RPS6KC1: variants seen among roughly 807,000 people sequenced by gnomAD.
The protein encoded by RPS6KC1 is inactive ribosomal protein S6 kinase delta-1.
Under a neutral mutation model 103.8 loss-of-function variants are expected in RPS6KC1, and 54 were observed. The ratio of observed to expected loss-of-function variants is 0.52; its 90% CI spans 0.42 to 0.65. RPS6KC1 has a LOEUF of 0.65. Ranked by LOEUF, RPS6KC1 falls within the 30% of genes least tolerant of loss-of-function variation. RPS6KC1 has a pLI of 0.00. For missense variants in RPS6KC1, 1,151 were observed against 1,253.8 expected, an observed-to-expected ratio of 0.92 and a Z score of 1.24; for synonymous variants, 439 against 438.7, an observed-to-expected ratio of 1.00 and a Z score of -0.01.
At chr1:213,566,589 T>C in the RPS6KC1 span, among the ~76,000 whole-genome samples, 1 of 151,434 alleles carries the variant, frequency 6.6e-6, no homozygotes, top group Non-Finnish European at 1.5e-5. Context: ...TCACATTTCT[T>C]TGCCTCTCTG....
At chr1:213,783,207 A>G in the RPS6KC1 span, among the ~76,000 whole-genome samples, 1 of 152,198 alleles carries the variant, frequency 6.6e-6, no homozygotes, top group African/African-American at 2.4e-5. Flanking sequence ...GAATTGCTCT[A>G]CAAGCAACCT....
At chr1:213,433,397 T>C in the RPS6KC1 span, among the ~76,000 whole-genome samples, 1 of 152,222 alleles carries the variant, frequency 6.6e-6, no homozygotes, top group African/African-American at 2.4e-5. Context: ...AGGTAAAATA[T>C]TCACAGCTTC....
At chr1:213,770,072 C>T in the RPS6KC1 span, among the ~76,000 whole-genome samples, 14 of 152,180 alleles carry the variant, frequency 9.2e-5, no homozygotes, top group Non-Finnish European at 1.8e-4. Context: ...ACAACCAGAG[C>T]ATCTCTGTTC....
the RPS6KC1 span, among the ~76,000 whole-genome samples, chr1:213,802,348 T>G: frequency 3.9e-5 from 6 of 152,218 alleles, no homozygotes; most frequent in Non-Finnish European, 7.3e-5. Context: ...AGAAAAACAG[T>G]GCTAAGAAAT....
At chr1:213,162,012 CATAATTT>C (rs2090520832) in intron 6 of RPS6KC1, among the ~76,000 whole-genome samples, 1 of 152,124 alleles carries the variant, frequency 6.6e-6, no homozygotes, top group Middle Eastern at 3.2e-3. Flanking sequence ...ATTAAAAACT[CATAATTT>C]ATGTGGAGTT....
At chr1:213,531,128 G>A in the RPS6KC1 span, among the ~76,000 whole-genome samples, 1 of 152,176 alleles carries the variant, frequency 6.6e-6, no homozygotes, top group Non-Finnish European at 1.5e-5. Flanking sequence ...CATTGACATG[G>A]TAATGCAGAG....
intron 12 of RPS6KC1, among the ~76,000 whole-genome samples, chr1:213,260,140 C>A (rs1455839626): frequency 1.3e-5 from 2 of 152,214 alleles, no homozygotes; most frequent in Non-Finnish European, 2.9e-5. Flanking sequence ...TTCAAACAAG[C>A]AACTATTTTA....
chr1:213,436,394 T>G, the RPS6KC1 span, among the ~76,000 whole-genome samples: 1 of 152,376 alleles, frequency 6.6e-6, no homozygotes, highest in South Asian at 2.1e-4. Context: ...TTATTTATTT[T>G]ACAAAAAGTA....
the RPS6KC1 span, among the ~76,000 whole-genome samples, chr1:213,598,461 T>G: frequency 6.6e-6 from 1 of 152,150 alleles, no homozygotes; most frequent in Non-Finnish European, 1.5e-5. Context: ...ACTTCCTCTC[T>G]TTGGGGCCTC....
intron 5 of RPS6KC1, among the ~76,000 whole-genome samples, chr1:213,117,630 G>A (rs1173349592): frequency 6.6e-6 from 1 of 151,160 alleles, no homozygotes; most frequent in African/African-American, 2.4e-5. Context: ...TTTTCATAGT[G>A]GTATATAAAA....
At chr1:213,511,375 T>G in the RPS6KC1 span, among the ~76,000 whole-genome samples, 12 of 152,104 alleles carry the variant, frequency 7.9e-5, no homozygotes, top group Admixed American at 7.9e-4. Flanking sequence ...CCAGCAGCAT[T>G]GTGGAGCAGC....
the RPS6KC1 span, among the ~76,000 whole-genome samples, chr1:213,717,670 G>A: frequency 1.3e-5 from 2 of 152,198 alleles, no homozygotes. Flanking sequence ...CATCAAATAT[G>A]CTACTTGAAG....
intron 3 of RPS6KC1, among the ~76,000 whole-genome samples, chr1:213,092,350 A>G (rs940990636): frequency 2.6e-5 from 4 of 152,210 alleles, no homozygotes; most frequent in Non-Finnish European, 4.4e-5. Flanking sequence ...AATTTAGCCA[A>G]GTAATAGGAT....
At chr1:213,843,035 A>T in the RPS6KC1 span, among the ~76,000 whole-genome samples, 1 of 152,176 alleles carries the variant, frequency 6.6e-6, no homozygotes, top group African/African-American at 2.4e-5. Flanking sequence ...CTGGAAATTC[A>T]GGGAAAAGTT....
chr1:213,845,682 T>C, the RPS6KC1 span, among the ~76,000 whole-genome samples: 2 of 152,172 alleles, frequency 1.3e-5, no homozygotes, highest in East Asian at 3.9e-4. Flanking sequence ...CTAATCGTAA[T>C]ACACCTACAA....
At chr1:213,394,424 A>G in the RPS6KC1 span, among the ~76,000 whole-genome samples, 2 of 151,672 alleles carry the variant, frequency 1.3e-5, no homozygotes, top group Non-Finnish European at 1.5e-5. Context: ...TGCACCCCTC[A>G]CACCCCCCTA....
At chr1:213,779,155 A>T in the RPS6KC1 span, among the ~76,000 whole-genome samples, 3 of 152,212 alleles carry the variant, frequency 2.0e-5, no homozygotes, top group African/African-American at 7.2e-5. Flanking sequence ...TCCCCATTTC[A>T]GGAGCACAAT....
At chr1:213,792,999 C>T in the RPS6KC1 span, among the ~76,000 whole-genome samples, 1 of 152,074 alleles carries the variant, frequency 6.6e-6, no homozygotes, top group South Asian at 2.1e-4. Flanking sequence ...AATAAAATAG[C>T]AAAAACAACA....
At chr1:213,707,218 C>T in the RPS6KC1 span, among the ~76,000 whole-genome samples, 16 of 152,222 alleles carry the variant, frequency 1.1e-4, no homozygotes, top group African/African-American at 2.2e-4. Flanking sequence ...CTGTTGTTTC[C>T]GGACTTTTTA....
Sources: gnomAD v4.1 joint callset for allele counts (sites outside exome capture counted in the v4.1 genomes callset) on GRCh38, gnomAD v4.1.1 for gene constraint, MANE v1.5 for transcripts, NCBI Gene and HGNC (gene_info 2026-07-23, HGNC 2026-07-21) for gene names.